Variants in MACO1 observed in about 807,000 individuals in gnomAD.
The protein encoded by MACO1 is macoilin 1, also known as macoilin.
MACO1 carries 14 observed loss-of-function variants against 78.7 expected under a neutral mutation model. That is an observed-to-expected ratio of 0.18 (90% CI 0.12 to 0.28). The LOEUF is 0.28. Among genes scored for constraint, MACO1 ranks in the 10% least tolerant of loss-of-function variants. The pLI, the probability that MACO1 is intolerant of heterozygous loss-of-function variation, is 1.00. For synonymous variants in MACO1, 288 were observed against 291.6 expected (o/e 0.99, Z 0.12); for missense variants, 501 against 799.0 (o/e 0.63, Z 4.50).
intron 10 of MACO1, among the ~76,000 whole-genome samples, chr1:25,493,419 T>C (rs2043506636): frequency 1.3e-5 from 2 of 151,678 alleles, no homozygotes; most frequent in East Asian, 3.9e-4. Flanking sequence ...TTTTTTTTTT[T>C]CTGTTTTTTT....
At chr1:25,454,057 A>G (rs1422849857) in intron 3 of MACO1, among the ~76,000 whole-genome samples, 1 of 151,978 alleles carries the variant, frequency 6.6e-6, no homozygotes, top group Non-Finnish European at 1.5e-5. Flanking sequence ...TTTTGCCAGG[A>G]TGTTTGTCTT....
intron 1 of MACO1, among the ~76,000 whole-genome samples, chr1:25,435,080 C>A (rs150766331): frequency 6.6e-6 from 1 of 152,090 alleles, no homozygotes; most frequent in Non-Finnish European, 1.5e-5. Flanking sequence ...TATTCCAAAT[C>A]GCTACAGTTA....
intron 6 of MACO1, among the ~76,000 whole-genome samples, chr1:25,475,270 G>C (rs1049541049): frequency 1.3e-5 from 2 of 152,220 alleles, no homozygotes; most frequent in South Asian, 4.1e-4. Flanking sequence ...GCATGAACCC[G>C]GGAGGCAGAG....
At chr1:25,445,575 T>A (rs186868897) in intron 1 of MACO1, among the ~76,000 whole-genome samples, 1 of 152,126 alleles carries the variant, frequency 6.6e-6, no homozygotes, top group East Asian at 1.9e-4. Flanking sequence ...TTTTTTTCTC[T>A]TTTCTTTTTA....
intron 10 of MACO1, 67 bp downstream of exon 10, chr1:25,491,651 C>A: frequency 1.4e-6 from 2 of 1,432,082 alleles, no homozygotes; most frequent in Non-Finnish European, 1.9e-6. Context: ...CAGGCCAGAC[C>A]TCTCCTGAGA....
At chr1:25,436,044 A>T (rs2042916459) in intron 1 of MACO1, among the ~76,000 whole-genome samples, 1 of 152,068 alleles carries the variant, frequency 6.6e-6, no homozygotes, top group African/African-American at 2.4e-5. Context: ...ATTTGCTTAA[A>T]AGCTTCCTGT....
chr1:25,474,694 C>T (rs1486120502), intron 6 of MACO1, among the ~76,000 whole-genome samples: 1 of 152,208 alleles, frequency 6.6e-6, no homozygotes, highest in African/African-American at 2.4e-5. Context: ...GAGCTGCTTA[C>T]TCCATCTGTG....
chr1:25,450,722 T>C (rs1250127965), intron 3 of MACO1, among the ~76,000 whole-genome samples: 1 of 152,244 alleles, frequency 6.6e-6, no homozygotes, highest in Admixed American at 6.5e-5. Context: ...ATGAAGGTTC[T>C]TTAGTCTGCT....
intron 3 of MACO1, 84 bp downstream of exon 3, chr1:25,449,018 G>A: frequency 7.9e-7 from 1 of 1,262,060 alleles, no homozygotes; most frequent in East Asian, 2.7e-5. Context: ...ACATTATTTA[G>A]AGTTGAGTTT....
At chr1:25,443,788 GA>G (rs1363864767) in intron 1 of MACO1, among the ~76,000 whole-genome samples, 1 of 152,206 alleles carries the variant, frequency 6.6e-6, no homozygotes, top group Non-Finnish European at 1.5e-5. Context: ...ATTTTGGGCA[GA>G]AAGCAATTGG....
At chr1:25,431,350 T>C (rs1289317593) in intron 1 of MACO1, among the ~76,000 whole-genome samples, 172 bp downstream of exon 1, 1 of 142,838 alleles carries the variant, frequency 7.0e-6, no homozygotes, top group Non-Finnish European at 1.5e-5. Context: ...CCGCCCCGGG[T>C]GCGCGGGGCG....
intron 6 of MACO1, among the ~76,000 whole-genome samples, chr1:25,483,860 G>C (rs992473779): frequency 6.6e-6 from 1 of 152,160 alleles, no homozygotes; most frequent in African/African-American, 2.4e-5. Flanking sequence ...ATATTCACAA[G>C]CACCATACTC....
At chr1:25,441,626 A>G (rs1050639579) in intron 1 of MACO1, among the ~76,000 whole-genome samples, 1 of 152,240 alleles carries the variant, frequency 6.6e-6, no homozygotes, top group African/African-American at 2.4e-5. Context: ...TTAATTACAC[A>G]AAATATTATT....
At chr1:25,462,925 T>A (rs1405764200) in intron 6 of MACO1, among the ~76,000 whole-genome samples, 2 of 152,178 alleles carry the variant, frequency 1.3e-5, no homozygotes, top group African/African-American at 4.8e-5. Flanking sequence ...TAAAAATAAA[T>A]TTTACTGGAA....
At chr1:25,464,735 C>T (rs188256455) in intron 6 of MACO1, among the ~76,000 whole-genome samples, 7 of 149,384 alleles carry the variant, frequency 4.7e-5, no homozygotes. Context: ...CAGTTCACTG[C>T]AACCTTCACC....
chr1:25,486,387 G>A (rs1410548103), intron 8 of MACO1, among the ~76,000 whole-genome samples: 1 of 152,062 alleles, frequency 6.6e-6, no homozygotes, highest in Non-Finnish European at 1.5e-5. Context: ...AAGTACCCCT[G>A]TGTGCAAGTA....
At chr1:25,455,001 T>G (rs966796185) in intron 4 of MACO1, among the ~76,000 whole-genome samples, 2 of 152,150 alleles carry the variant, frequency 1.3e-5, no homozygotes, top group African/African-American at 4.8e-5. Flanking sequence ...TTTTCTTACC[T>G]GCCTCACTGG....
At chr1:25,471,317 C>T (rs1284629574) in intron 6 of MACO1, among the ~76,000 whole-genome samples, 10 of 144,884 alleles carry the variant, frequency 6.9e-5, no homozygotes, top group Admixed American at 5.7e-4. Context: ...CCAGCCTGGG[C>T]GACAGAGCAA....
rs1235106519 is a variant in MACO1, at chr1:25,499,458, T to G, written c.*992T>G. On this transcript the variant is annotated 3_prime_UTR_variant, in exon 11 of 11. Transcript: ENST00000374343. ...GGTCTAGGTTTTTTTTTTTTTGTTT[T>G]GTTTTTTCATTTCATTTAACTGTGC... is the stretch of plus-strand genomic sequence containing the variant. The G allele has an allele frequency of 9.3e-5, 14 of 150,240 alleles. No individual in the cohort carries two copies. Among genetic ancestry groups the G allele is most frequent in the African/African-American group, 3.4e-4 (14 of 40,910 alleles). The allele number at this position is 150,240 out of a possible 1,614,324, so 9.3% of individuals were successfully genotyped here. A position where few individuals can be genotyped will look rare whatever the true frequency, so the allele number is the denominator to read the frequency against.
Sources: allele counts gnomAD v4.1 joint callset (sites outside exome capture counted in the v4.1 genomes callset), GRCh38; gene constraint gnomAD v4.1.1; transcripts MANE v1.5; gene names NCBI Gene and HGNC (gene_info 2026-07-23, HGNC 2026-07-21).